PLD1: variants seen among roughly 807,000 people sequenced by gnomAD.
The protein encoded by PLD1 is choline phosphatase 1.
Under a neutral mutation model 137.1 loss-of-function variants are expected in PLD1, and 112 were observed. The observed-to-expected ratio is 0.82, with a 90% CI of 0.70 to 0.96. PLD1 has a LOEUF of 0.96. Among genes scored for constraint, PLD1 ranks in the 40% least tolerant of loss-of-function variants. The pLI is 0.00. For synonymous variants in PLD1, 431 were observed against 454.7 expected (o/e 0.95, Z 0.66); for missense variants, 1,321 against 1,342.0 (o/e 0.98, Z 0.24).
intron 11 of PLD1, among the ~76,000 whole-genome samples, chr3:171,707,994 G>A (rs980162557): frequency 1.4e-4 from 21 of 152,148 alleles, no homozygotes; most frequent in Non-Finnish European, 1.9e-4. Flanking sequence ...GAAGAAAACC[G>A]GATAGAGTAA....
chr3:171,607,302 C>G (rs1732292429), intron 25 of PLD1, among the ~76,000 whole-genome samples: 1 of 152,068 alleles, frequency 6.6e-6, no homozygotes, highest in Non-Finnish European at 1.5e-5. Context: ...CAAATGATGA[C>G]AGTAAGTCAA....
intron 7 of PLD1, among the ~76,000 whole-genome samples, chr3:171,725,101 A>G (rs1341302301): frequency 6.6e-6 from 1 of 152,200 alleles, no homozygotes; most frequent in Non-Finnish European, 1.5e-5. Context: ...CTCGTCATTA[A>G]TGGGTGCAGC....
chr3:171,741,938 G>A (rs191969304), intron 1 of PLD1, among the ~76,000 whole-genome samples: 1 of 152,296 alleles, frequency 6.6e-6, no homozygotes. Flanking sequence ...ACATTAGCCA[G>A]TATTTGCTAA....
intron 1 of PLD1, among the ~76,000 whole-genome samples, chr3:171,779,520 G>A (rs1438397630): frequency 6.6e-6 from 1 of 152,214 alleles, no homozygotes; most frequent in Non-Finnish European, 1.5e-5. Flanking sequence ...GGTAGGTTAA[G>A]TTTGAGAGAC....
chr3:171,778,220 A>C (rs1344693187), intron 1 of PLD1, among the ~76,000 whole-genome samples: 2 of 152,176 alleles, frequency 1.3e-5, no homozygotes, highest in African/African-American at 4.8e-5. Flanking sequence ...TTTTCAGGTG[A>C]TGAAAATGGG....
chr3:171,660,972 G>A (rs1165318170), intron 20 of PLD1, among the ~76,000 whole-genome samples: 2 of 152,114 alleles, frequency 1.3e-5, no homozygotes, highest in African/African-American at 2.4e-5. Context: ...CAATAGATGA[G>A]CCAGCCTTCA....
In PLD1 at chr3:171,659,264, A is replaced by T. The variant is rs763483179; in HGVS notation, c.2378T>A (p.Val793Glu). Residue 793 changes from valine to glutamate, a missense_variant, in exon 21 of 27, where the codon GTG (valine) becomes GAG (glutamate). Val to Glu is a moderately radical substitution (Grantham distance 121, BLOSUM62 -2). Coordinates refer to ENST00000351298, the MANE Select transcript of PLD1 (RefSeq NM_002662.5). Reference protein sequence around the residue: ...FFISCADDKVVFNKIGDAIAQ... With the variant: ...FFISCADDKVEFNKIGDAIAQ... ...AATGGCATCGCCTATCTTGTTGAAC[A>T]CAACTTTGTCATCAGCACAGCTTAT... The T allele has an allele frequency of 6.2e-7, 1 of 1,613,768 alleles. No homozygotes were observed. Among genetic ancestry groups the T allele is most frequent in the East Asian group, 2.2e-5 (1 of 44,882 alleles).
chr3:171,756,603 A>G (rs561747584), intron 1 of PLD1, among the ~76,000 whole-genome samples: 3 of 152,382 alleles, frequency 2.0e-5, no homozygotes, highest in African/African-American at 4.8e-5. Flanking sequence ...TTAAGAATGC[A>G]TAGGCATAGT....
intron 1 of PLD1, among the ~76,000 whole-genome samples, chr3:171,770,888 C>CAAAA (rs34683994): frequency 0.038 from 1,571 of 40,856 alleles, 45 homozygotes; most frequent in African/African-American, 0.084. Context: ...AACCCTATCT[C>CAAAA]AAAAAAAAAA....
rs1191564220 is a variant in PLD1 at position 171,601,461 on chromosome 3, T to C, written c.*1617A>G. The stretch of plus-strand genomic sequence containing the variant: ...GCTATAGAATGAAGTCATTTTACCA[T>C]CTTTAGCCATATGAAAAATAAGTTA... On this transcript the variant is annotated 3_prime_UTR_variant, in exon 27 of 27. Transcript: ENST00000351298. 1.3e-5 allele frequency: 2 copies of C among 151,032 alleles called. No individual in the cohort carries two copies. Among genetic ancestry groups the C allele is most frequent in the Non-Finnish European group, 2.9e-5 (2 of 67,982 alleles). 9.4% of individuals were successfully genotyped at this position (151,032 alleles called of 1,614,324 possible). A position where few individuals can be genotyped will look rare whatever the true frequency, so the allele number is the denominator to read the frequency against.
Position 171,733,503 on chromosome 3 carries a change from G to C in PLD1, c.547C>G (p.Leu183Val). Residue 183 changes from leucine to valine, a missense_variant, in exon 6 of 27, where the codon CTG becomes GTG. Physicochemically the swap from Leu to Val is conservative, Grantham distance 32. Transcript: ENST00000351298. ...AGTATCTTTGTCAAGTAATCTTCCA[G>C]TTGTTTCTGTAATGCAAATATTTTA... The part of the protein sequence containing the change: ...EEQFLGRRKQ[L>V]EDYLTKILKM... 1 of 1,260,954 alleles carries C rather than the reference G, an allele frequency of 7.9e-7. No homozygotes were observed. Among genetic ancestry groups the C allele is most frequent in the Non-Finnish European group, 1.2e-6 (1 of 865,356 alleles). 78.1% of individuals were successfully genotyped at this position (1,260,954 alleles called of 1,614,324 possible).
At chr3:171,703,053 G>A (rs1419820681) in intron 11 of PLD1, among the ~76,000 whole-genome samples, 2 of 152,038 alleles carry the variant, frequency 1.3e-5, no homozygotes, top group African/African-American at 4.8e-5. Flanking sequence ...TTAAAAGTTG[G>A]AAATCAATCA....
chr3:171,688,965 A>T, intron 13 of PLD1, 89 bp from the exon 14 acceptor site: 1 of 890,762 alleles, frequency 1.1e-6, no homozygotes, highest in Admixed American at 2.0e-5. Context: ...CCTGAAAAGC[A>T]TTTTCTATAA....
intron 20 of PLD1, among the ~76,000 whole-genome samples, chr3:171,659,604 C>T (rs1352968074): frequency 6.6e-6 from 1 of 152,180 alleles, no homozygotes; most frequent in African/African-American, 2.4e-5. Context: ...CTTAGGAACA[C>T]TGCAAATTTA....
intron 23 of PLD1, among the ~76,000 whole-genome samples, chr3:171,626,534 C>A (rs1734123539): frequency 1.3e-5 from 2 of 152,208 alleles, no homozygotes; most frequent in South Asian, 4.1e-4. Context: ...AAGAGCAACT[C>A]CAAGGCACAT....
chr3:171,664,540 C>T (rs1711882158), intron 19 of PLD1, among the ~76,000 whole-genome samples: 1 of 151,982 alleles, frequency 6.6e-6, no homozygotes, highest in Non-Finnish European at 1.5e-5. Context: ...TCACTGAAAC[C>T]TCTGTCTCCT....
intron 12 of PLD1, among the ~76,000 whole-genome samples, 197 bp from the exon 13 acceptor site, chr3:171,692,639 G>T (rs577596534): frequency 1.3e-5 from 2 of 151,950 alleles, no homozygotes; most frequent in Non-Finnish European, 2.9e-5. Context: ...TCATGCCTCA[G>T]CCTCCTGAGT....
intron 8 of PLD1, among the ~76,000 whole-genome samples, 180 bp from the exon 9 acceptor site, chr3:171,714,225 C>A (rs1717500281): frequency 6.6e-6 from 1 of 151,936 alleles, no homozygotes; most frequent in Non-Finnish European, 1.5e-5. Flanking sequence ...CCCAACAAAA[C>A]CTTTCTATTA....
intron 19 of PLD1, 27 bp downstream of exon 19, chr3:171,674,473 C>G: frequency 8.1e-7 from 1 of 1,236,934 alleles, no homozygotes; most frequent in Non-Finnish European, 1.2e-6. Context: ...AGCATTTTGT[C>G]AAAAAGAAAA....
Sources: gnomAD v4.1 joint callset for allele counts (sites outside exome capture counted in the v4.1 genomes callset) on GRCh38, gnomAD v4.1.1 for gene constraint, MANE v1.5 for transcripts, NCBI Gene and HGNC (gene_info 2026-07-23, HGNC 2026-07-21) for gene names.